Variants in CCDC195 observed in about 807,000 individuals in gnomAD.
CCDC195 encodes coiled-coil domain-containing protein 195.
intron 1 of CCDC195, among the ~76,000 whole-genome samples, chr2:224,712,289 C>G (rs992591411): frequency 6.6e-6 from 1 of 152,186 alleles, no homozygotes; most frequent in Non-Finnish European, 1.5e-5. Context: ...AATCAGAGGT[C>G]CAGCAATGCT....
intron 2 of CCDC195, among the ~76,000 whole-genome samples, chr2:224,705,271 C>T (rs1697228383): frequency 6.6e-6 from 1 of 152,158 alleles, no homozygotes. Context: ...TATCAGTAAA[C>T]TGAATAACAT....
At chr2:224,704,055 A>G (rs1697209506) in intron 2 of CCDC195, among the ~76,000 whole-genome samples, 168 bp from the exon 3 acceptor site, 1 of 152,234 alleles carries the variant, frequency 6.6e-6, no homozygotes. Flanking sequence ...ATGTAAGGAT[A>G]TATATTGGAA....
At chr2:224,713,803 A>T (rs369312981) in intron 1 of CCDC195, among the ~76,000 whole-genome samples, 33 of 136,556 alleles carry the variant, frequency 2.4e-4, no homozygotes, top group African/African-American at 3.0e-4. Context: ...TTTCACCAGT[A>T]TTTTTTTTTT....
intron 2 of CCDC195, 86 bp from the exon 3 acceptor site, chr2:224,703,973 G>A (rs1235534175): frequency 2.5e-6 from 1 of 396,936 alleles, no homozygotes; most frequent in Non-Finnish European, 4.4e-6. Flanking sequence ...CCAATCACCA[G>A]ATACTACCTA....
At chr2:224,711,225 C>T (rs1292196275) in intron 1 of CCDC195, among the ~76,000 whole-genome samples, 1 of 152,114 alleles carries the variant, frequency 6.6e-6, no homozygotes, top group East Asian at 1.9e-4. Context: ...AGCAAAGATG[C>T]ATGGTGTGGG....
At chr2:224,716,249 G>A (rs1312004215) in exon 1 of CCDC195, 2 of 398,656 alleles carry the variant, frequency 5.0e-6, no homozygotes, top group Non-Finnish European at 8.8e-6. Flanking sequence ...CTGAGCCTGA[G>A]GCTCTCTGAC....
At chr2:224,713,103 G>A (rs141590125) in intron 1 of CCDC195, among the ~76,000 whole-genome samples, 2,188 of 152,180 alleles carry the variant, frequency 0.014, 52 homozygotes, top group African/African-American at 0.048. Flanking sequence ...TCCTGACCTC[G>A]TGATCCACCC....
chr2:224,714,805 C>A (rs1689361454), intron 1 of CCDC195, among the ~76,000 whole-genome samples: 1 of 152,066 alleles, frequency 6.6e-6, no homozygotes, highest in Admixed American at 6.6e-5. Flanking sequence ...GGAAAAAGAC[C>A]TGGATTGGAA....
intron 2 of CCDC195, among the ~76,000 whole-genome samples, chr2:224,708,002 T>TC (rs1379714647): frequency 1.8e-4 from 9 of 48,756 alleles, no homozygotes; most frequent in East Asian, 7.2e-4. Flanking sequence ...CTCCCTCCCT[T>TC]CCTTCCTTTC....
intron 2 of CCDC195, among the ~76,000 whole-genome samples, chr2:224,708,616 A>G (rs1689259213): frequency 6.6e-6 from 1 of 152,088 alleles, no homozygotes; most frequent in Non-Finnish European, 1.5e-5. Flanking sequence ...AGCTGATTCA[A>G]CCTTTGTATC....
chr2:224,715,419 A>G (rs754323637), intron 1 of CCDC195, among the ~76,000 whole-genome samples: 4 of 152,228 alleles, frequency 2.6e-5, no homozygotes, highest in Non-Finnish European at 5.9e-5. Context: ...GAATATATCA[A>G]ACATCGACTC....
rs201012911 is a variant in CCDC195, at chr2:224,706,189, C to CTTTTTTTTTTT, written c.483-2313_483-2303dup. 4.0e-3 allele frequency among the ~76,000 whole-genome samples: 132 copies of CTTTTTTTTTTT among 33,362 alleles called. 48 individuals are homozygous for CTTTTTTTTTTT. Among genetic ancestry groups the CTTTTTTTTTTT allele is most frequent in the African/African-American group, 5.2e-3 (33 of 6,378 alleles). The allele number at this position is 33,362 out of a possible 152,430, so 21.9% of individuals were successfully genotyped here. On this transcript the variant is annotated intron_variant, in intron 2 of 2. Coordinates refer to ENST00000638102, the Ensembl canonical transcript of CCDC195. ...TGTATATTGCCTCTATATTTTGTAACTTTTTTTTTTTTTTTTTTTTTTTTT... is the reference window on the plus strand; with the variant it reads ...TGTATATTGCCTCTATATTTTGTAACTTTTTTTTTTTTTTTTTTTTTTTTTTTTTTTTTTTT...
rs1204605879 is a variant in CCDC195, at chr2:224,706,498, C to G, written c.483-2611G>C. Among the ~76,000 whole-genome samples the G allele has an allele frequency of 5.7e-5, 8 of 141,540 alleles. No homozygotes were observed. In the East Asian group the frequency reaches 1.5e-3, roughly 27 times the overall value. 92.9% of individuals were successfully genotyped at this position (141,540 alleles called of 152,430 possible). A position where few individuals can be genotyped will look rare whatever the true frequency, so the allele number is the denominator to read the frequency against. ...GGGATTACAGGTATGAGCCACTGTG[C>G]CTGGCTGTAACTTTTTTTTTTTTTT... On this transcript the variant is annotated intron_variant, in intron 2 of 2. Transcript: ENST00000638102.
At chr2:224,709,984 A>G (rs113546255) in exon 2 of CCDC195, 5 of 398,452 alleles carry the variant, frequency 1.3e-5, no homozygotes, top group Non-Finnish European at 2.2e-5. Flanking sequence ...TGCAACCACA[A>G]ACATGCTCAG....
At chr2:224,714,105 G>A (rs1012968148) in intron 1 of CCDC195, among the ~76,000 whole-genome samples, 6 of 152,076 alleles carry the variant, frequency 3.9e-5, no homozygotes, top group Non-Finnish European at 7.3e-5. Flanking sequence ...CTCCCAAAGC[G>A]CTGGGATTAC....
At chr2:224,715,583 AT>A (rs1273549001) in intron 1 of CCDC195, among the ~76,000 whole-genome samples, 1 of 152,218 alleles carries the variant, frequency 6.6e-6, no homozygotes, top group Non-Finnish European at 1.5e-5. Context: ...TTTAGTTCAT[AT>A]TACTGTAGTT....
chr2:224,704,803 G>A lies in CCDC195; in HGVS notation c.483-916C>T, dbSNP rs191374758. ...ATGCTGGCTAATTTTTGTGTTTTTA[G>A]TAGAGACGAGTTTTCGCCATGTTGG... On this transcript the variant is annotated intron_variant, in intron 2 of 2. Coordinates refer to ENST00000638102, the Ensembl canonical transcript of CCDC195. Among the ~76,000 whole-genome samples, 4 of 152,016 alleles carry A rather than the reference G, an allele frequency of 2.6e-5. No individual in the cohort carries two copies. The East Asian group carries it at 5.8e-4, about 22-fold the overall frequency.
At chr2:224,706,189 CTTTTTTTTTTTTTTTTTTTTTT>C (rs201012911) in intron 2 of CCDC195, among the ~76,000 whole-genome samples, 34 of 33,342 alleles carry the variant, frequency 1.0e-3, no homozygotes, top group Non-Finnish European at 1.5e-3. Context: ...TATTTTGTAA[CTTTTTTTTTTTTTTTTTTTTTT>C]TTTTTTTTTT....
exon 2 of CCDC195, chr2:224,710,099 G>A (rs1237719974): frequency 2.5e-6 from 1 of 398,454 alleles, no homozygotes; most frequent in Non-Finnish European, 4.4e-6. Context: ...TGACTTCAGT[G>A]TTCTCTGACC....
Sources: allele counts gnomAD v4.1 joint callset (sites outside exome capture counted in the v4.1 genomes callset), GRCh38; gene constraint gnomAD v4.1.1; transcripts MANE v1.5; gene names NCBI Gene and HGNC (gene_info 2026-07-23, HGNC 2026-07-21).